DPP10: variants seen among roughly 807,000 people sequenced by gnomAD.
The protein encoded by DPP10 is dipeptidyl peptidase like 10, also known as inactive dipeptidyl peptidase 10.
A neutral mutation model predicts 120.9 loss-of-function variants in DPP10; 33 were observed. The observed-to-expected ratio is 0.27, with a 90% CI of 0.21 to 0.37. The LOEUF (loss-of-function observed/expected upper bound fraction) is 0.37. DPP10 is among the 10% of genes least tolerant of loss of function. DPP10 has a pLI of 1.00. For synonymous variants in DPP10, 337 were observed against 326.1 expected, an observed-to-expected ratio of 1.03 and a Z score of -0.36; for missense variants, 816 against 942.8, an observed-to-expected ratio of 0.87 and a Z score of 1.76.
At position 114,961,424 on chromosome 2, in the gene DPP10, T is replaced by A. The variant is rs181445753; in HGVS notation, c.61-347815T>A. On this transcript the variant is annotated intron_variant, in intron 1 of 25. Coordinates refer to ENST00000410059, the MANE Select transcript of DPP10 (RefSeq NM_020868.6). ...GCATTCATCACATTGTAATTGTACC[T>A]TTGTGTGTGTTTGTGTTTGAATGCG... Among the ~76,000 whole-genome samples the A allele has an allele frequency of 4.5e-3, 664 of 148,998 alleles. 6 individuals are homozygous for A. The highest frequency in any genetic ancestry group is 0.016 in the African/African-American group (635 of 40,598).
At chr2:115,157,181 T>A (rs1364301809) in intron 1 of DPP10, among the ~76,000 whole-genome samples, 2 of 150,808 alleles carry the variant, frequency 1.3e-5, no homozygotes, top group African/African-American at 4.9e-5. Flanking sequence ...ACTGTCTTAA[T>A]TCCTGTATAT....
At chr2:114,959,892 C>T (rs1001636787) in intron 1 of DPP10, among the ~76,000 whole-genome samples, 1 of 152,140 alleles carries the variant, frequency 6.6e-6, no homozygotes, top group Non-Finnish European at 1.5e-5. Flanking sequence ...CATTCAGATC[C>T]TTTGCCTAGT....
At chr2:115,267,522 C>G (rs776550230) in intron 1 of DPP10, among the ~76,000 whole-genome samples, 61 of 151,990 alleles carry the variant, frequency 4.0e-4, no homozygotes, top group Non-Finnish European at 7.4e-4. Flanking sequence ...AAAATAAGAA[C>G]ACCTTTATTA....
rs186785288 is a variant in DPP10, at chr2:115,393,233, A to T, written c.271+49321A>T. ...GAGGCTGAGGCATGAGAATCGCTTGAACCCAAGAGGTGGAGGTTGCAATTA... is the reference window on the plus strand; with the variant it reads ...GAGGCTGAGGCATGAGAATCGCTTGTACCCAAGAGGTGGAGGTTGCAATTA... On this transcript the variant is annotated intron_variant, in intron 3 of 25. Transcript: ENST00000410059. Among the ~76,000 whole-genome samples the T allele has an allele frequency of 1.2e-3, 185 of 152,028 alleles. 1 individual carries two copies. The highest frequency in any genetic ancestry group is 2.2e-3 in the Non-Finnish European group (148 of 67,992).
chr2:115,621,653 TA>T (rs879659261), intron 5 of DPP10, among the ~76,000 whole-genome samples: 132 of 152,200 alleles, frequency 8.7e-4, no homozygotes, highest in Non-Finnish European at 1.4e-3. Context: ...TACCTGTTAT[TA>T]AAAAAAATTC....
intron 1 of DPP10, among the ~76,000 whole-genome samples, chr2:114,709,304 T>C (rs183499842): frequency 1.3e-3 from 193 of 152,284 alleles, no homozygotes; most frequent in African/African-American, 4.5e-3. Context: ...TTTGATTTCA[T>C]TGGCCTCTTT....
At chr2:115,511,804 T>C (rs2077246116) in intron 4 of DPP10, among the ~76,000 whole-genome samples, 1 of 147,882 alleles carries the variant, frequency 6.8e-6, no homozygotes, top group Non-Finnish European at 1.5e-5. Context: ...CATATCTCAC[T>C]GCAGCCTCAA....
chr2:114,624,461 A>G (rs925477847), intron 1 of DPP10, among the ~76,000 whole-genome samples: 5 of 151,990 alleles, frequency 3.3e-5, no homozygotes, highest in Admixed American at 2.6e-4. Flanking sequence ...TTATCATGTG[A>G]ATATACATGA....
At chr2:115,138,724 G>C (rs962683939) in intron 1 of DPP10, among the ~76,000 whole-genome samples, 3 of 151,876 alleles carry the variant, frequency 2.0e-5, no homozygotes, top group African/African-American at 4.8e-5. Context: ...ATTTTATAAC[G>C]GACAATTTTA....
intron 1 of DPP10, among the ~76,000 whole-genome samples, chr2:115,205,795 C>T (rs774948182): frequency 1.6e-4 from 24 of 152,090 alleles, no homozygotes; most frequent in Non-Finnish European, 2.8e-4. Flanking sequence ...TCAAATACTG[C>T]GTGTTCTCAC....
At chr2:114,528,834 A>T (rs1481702117) in intron 1 of DPP10, among the ~76,000 whole-genome samples, 1 of 151,922 alleles carries the variant, frequency 6.6e-6, no homozygotes, top group Non-Finnish European at 1.5e-5. Flanking sequence ...TTCCTGATTC[A>T]TCATCAAAGC....
chr2:115,729,064 G>A (rs546774744), intron 8 of DPP10, among the ~76,000 whole-genome samples: 82 of 152,226 alleles, frequency 5.4e-4, no homozygotes, highest in Non-Finnish European at 9.4e-4. Flanking sequence ...GAGCTTCCCC[G>A]AAAATATTAA....
chr2:115,809,447 A>C (rs1686379384), intron 19 of DPP10, among the ~76,000 whole-genome samples: 1 of 152,242 alleles, frequency 6.6e-6, no homozygotes, highest in African/African-American at 2.4e-5. Context: ...CATGAAGAAT[A>C]AAATGGAAGC....
rs759086367 is a variant in DPP10, at chr2:115,745,701, C to T, written c.853-385C>T. Among the ~76,000 whole-genome samples, 8 of 150,018 alleles carry T rather than the reference C, an allele frequency of 5.3e-5. 1 individual carries two copies. Among genetic ancestry groups the T allele is most frequent in the Non-Finnish European group, 1.2e-4 (8 of 67,826 alleles). On this transcript the variant is annotated intron_variant, in intron 9 of 25. Coordinates refer to ENST00000410059, the MANE Select transcript of DPP10 (RefSeq NM_020868.6). The stretch of plus-strand genomic sequence containing the variant: ...TCCTCTTTTTTTTTAATTAGCCAAA[C>T]CTTCTTCCCATTGCATTTCATATCC...
At chr2:114,532,296 T>TATATACACAC (rs1342125338) in intron 1 of DPP10, among the ~76,000 whole-genome samples, 36 of 74,658 alleles carry the variant, frequency 4.8e-4, no homozygotes, top group South Asian at 8.3e-4. Flanking sequence ...TATATATATA[T>TATATACACAC]ACACACACAC....
chr2:115,040,856 C>G (rs1316481554), intron 1 of DPP10, among the ~76,000 whole-genome samples: 2 of 152,234 alleles, frequency 1.3e-5, no homozygotes, highest in South Asian at 2.1e-4. Flanking sequence ...TGGTGTTTCA[C>G]CCCTGTAATC....
intron 1 of DPP10, among the ~76,000 whole-genome samples, chr2:115,302,558 A>G (rs1345054092): frequency 2.0e-5 from 3 of 151,932 alleles, no homozygotes; most frequent in Non-Finnish European, 4.4e-5. Context: ...TTGATACTAC[A>G]GTGAGCCATG....
At chr2:115,840,468 G>C (rs528534003) in intron 24 of DPP10, among the ~76,000 whole-genome samples, 9 of 151,456 alleles carry the variant, frequency 5.9e-5, no homozygotes, top group Admixed American at 2.6e-4. Flanking sequence ...GGGACTACAG[G>C]TGCCCGCCAC....
chr2:115,733,543 A>G (rs2092959726), intron 8 of DPP10, among the ~76,000 whole-genome samples: 1 of 151,960 alleles, frequency 6.6e-6, no homozygotes, highest in African/African-American at 2.4e-5. Flanking sequence ...AAAGTTATGA[A>G]TAGAGACTAT....
Sources: gnomAD v4.1 joint callset for allele counts (sites outside exome capture counted in the v4.1 genomes callset) on GRCh38, gnomAD v4.1.1 for gene constraint, MANE v1.5 for transcripts, NCBI Gene and HGNC (gene_info 2026-07-23, HGNC 2026-07-21) for gene names.